LRRFIP1: variants seen among roughly 807,000 people sequenced by gnomAD.
LRRFIP1 encodes the protein LRR binding FLII interacting protein 1, also known as leucine-rich repeat flightless-interacting protein 1.
A neutral mutation model predicts 104.4 loss-of-function variants in LRRFIP1; 62 were observed. The ratio of observed to expected loss-of-function variants is 0.59; its 90% confidence interval spans 0.48 to 0.73. LRRFIP1 has a LOEUF of 0.73. LRRFIP1 is among the 30% of genes least tolerant of loss of function. LRRFIP1 has a pLI of 0.00. For missense variants in LRRFIP1, 796 were observed against 824.5 expected, an observed-to-expected ratio of 0.97 and a Z score of 0.42; for synonymous variants, 300 against 299.0, an observed-to-expected ratio of 1.00 and a Z score of -0.03.
At chr2:237,678,445 C>A (rs1411254763) in intron 1 of LRRFIP1, among the ~76,000 whole-genome samples, 2 of 152,078 alleles carry the variant, frequency 1.3e-5, no homozygotes, top group African/African-American at 4.8e-5. Flanking sequence ...ATGTCAGCTC[C>A]CACATCCCTT....
At chr2:237,683,193 C>T (rs1029284330) in intron 1 of LRRFIP1, among the ~76,000 whole-genome samples, 5 of 152,192 alleles carry the variant, frequency 3.3e-5, no homozygotes, top group African/African-American at 9.7e-5. Context: ...ATGCCACCAA[C>T]GGGGTGGAGA....
intron 1 of LRRFIP1, among the ~76,000 whole-genome samples, chr2:237,658,487 A>G (rs1559485187): frequency 6.6e-6 from 1 of 152,214 alleles, no homozygotes; most frequent in Non-Finnish European, 1.5e-5. Flanking sequence ...AATTTTTTCA[A>G]AAAGATTAGT....
chr2:237,775,370 G>A (rs1172220249), intron 23 of LRRFIP1, among the ~76,000 whole-genome samples: 2 of 152,226 alleles, frequency 1.3e-5, no homozygotes, highest in Non-Finnish European at 2.9e-5. Flanking sequence ...GAGCGGTGGA[G>A]GCCAAGTGAG....
intron 20 of LRRFIP1, 198 bp downstream of exon 20, chr2:237,770,190 G>A (rs1028211653): frequency 2.9e-5 from 16 of 561,048 alleles, no homozygotes; most frequent in Admixed American, 1.8e-4. Flanking sequence ...AACATCCTGA[G>A]TCATATGAGG....
At chr2:237,692,230 G>A in intron 1 of LRRFIP1, 1 of 1,106,650 alleles carries the variant, frequency 9.0e-7, no homozygotes, top group Non-Finnish European at 1.1e-6. Context: ...GCCCGACTCA[G>A]CCCGCGGCCA....
In LRRFIP1 at chr2:237,756,257, T is replaced by G. The variant is rs893781276; in HGVS notation, c.1131+70T>G. ...AGCATTTTGTCAGGCCATGACTATCTTAGCTTAGGCTGCAGTAATAAAATA... is the reference window on the plus strand; with the variant it reads ...AGCATTTTGTCAGGCCATGACTATCGTAGCTTAGGCTGCAGTAATAAAATA... On this transcript the variant is annotated intron_variant, in intron 16 of 23. Coordinates refer to ENST00000308482, the MANE Select transcript of LRRFIP1 (RefSeq NM_001137550.2). 1.5e-5 allele frequency: 17 copies of G among 1,151,742 alleles called. 1 individual carries two copies. Among genetic ancestry groups the G allele is most frequent in the Non-Finnish European group, 2.1e-5 (16 of 777,182 alleles). 71.3% of individuals were successfully genotyped at this position (1,151,742 alleles called of 1,614,324 possible).
intron 9 of LRRFIP1, among the ~76,000 whole-genome samples, chr2:237,734,549 G>A (rs1185881433): frequency 6.6e-6 from 1 of 152,128 alleles, no homozygotes; most frequent in African/African-American, 2.4e-5. Context: ...CAGAGTGCTA[G>A]GATTACAGGC....
intron 1 of LRRFIP1, among the ~76,000 whole-genome samples, chr2:237,695,670 A>G (rs1470200666): frequency 6.6e-6 from 1 of 152,192 alleles, no homozygotes; most frequent in East Asian, 1.9e-4. Context: ...AGTCCATTAC[A>G]TCTCACTACG....
At chr2:237,768,800 A>G (rs1382923451) in intron 19 of LRRFIP1, 1 of 152,226 alleles carries the variant, frequency 6.6e-6, no homozygotes, top group Non-Finnish European at 1.5e-5. Context: ...GAAAATGAAG[A>G]TGCATTTTAT....
chr2:237,763,495 G>A, intron 19 of LRRFIP1: 1 of 1,613,668 alleles, frequency 6.2e-7, no homozygotes, highest in Non-Finnish European at 8.5e-7. Flanking sequence ...TTAAAAAAGA[G>A]TTAACGTATC....
At chr2:237,752,873 A>G (rs781077385) in intron 14 of LRRFIP1, among the ~76,000 whole-genome samples, 1 of 152,174 alleles carries the variant, frequency 6.6e-6, no homozygotes, top group East Asian at 1.9e-4. Flanking sequence ...GGCCCTATGT[A>G]ATTATCTCAG....
At chr2:237,733,636 C>A in intron 8 of LRRFIP1, 138 bp from the exon 9 acceptor site, 1 of 725,820 alleles carries the variant, frequency 1.4e-6, no homozygotes, top group Non-Finnish European at 2.3e-6. Flanking sequence ...CACGGTGCCT[C>A]GATCGGTTTG....
chr2:237,651,060 G>T (rs2085861436), intron 1 of LRRFIP1, among the ~76,000 whole-genome samples: 1 of 152,166 alleles, frequency 6.6e-6, no homozygotes, highest in Non-Finnish European at 1.5e-5. Flanking sequence ...ATTAATTTAT[G>T]TAACATGTAT....
In LRRFIP1 at chr2:237,703,829, G is replaced by C. The variant is rs2093664633; in HGVS notation, c.97-4715G>C. On this transcript the variant is annotated intron_variant, in intron 1 of 23. Coordinates refer to ENST00000308482, the MANE Select transcript of LRRFIP1 (RefSeq NM_001137550.2). The surrounding 1 kb of genome is among the most constrained non-coding windows in gnomAD (Gnocchi z 4.3). ...GACAGCATGGCACGTTCACAGCACAGTGCATTCCTGTGGCCTCCCCGGGCC... is the reference window on the plus strand; with the variant it reads ...GACAGCATGGCACGTTCACAGCACACTGCATTCCTGTGGCCTCCCCGGGCC... 6.6e-6 allele frequency among the ~76,000 whole-genome samples: 1 copy of C among 152,146 alleles called. No individual in the cohort carries two copies. The highest frequency in any genetic ancestry group is 2.4e-5 in the African/African-American group (1 of 41,438).
intron 10 of LRRFIP1, among the ~76,000 whole-genome samples, chr2:237,736,790 G>C (rs971692326): frequency 4.6e-5 from 7 of 152,224 alleles, no homozygotes; most frequent in African/African-American, 1.4e-4. Flanking sequence ...CTGTGAGCAG[G>C]AAATTAGCAC....
intron 1 of LRRFIP1, among the ~76,000 whole-genome samples, chr2:237,633,260 G>A (rs534049874): frequency 1.2e-3 from 186 of 152,342 alleles, no homozygotes; most frequent in Non-Finnish European, 2.2e-3. Context: ...TGTTCCAGAC[G>A]GATTTTTACC....
intron 8 of LRRFIP1, among the ~76,000 whole-genome samples, chr2:237,732,681 C>T (rs766735984): frequency 4.9e-4 from 74 of 152,170 alleles, no homozygotes; most frequent in Admixed American, 2.9e-3. Flanking sequence ...AAACTCGAGT[C>T]CAAAAAATTG....
At chr2:237,728,286 A>T (rs2094848731) in intron 8 of LRRFIP1, among the ~76,000 whole-genome samples, 1 of 152,252 alleles carries the variant, frequency 6.6e-6, no homozygotes, top group Non-Finnish European at 1.5e-5. Flanking sequence ...GCTTTCAAAG[A>T]TACTAAATCC....
At chr2:237,690,988 T>C (rs10210278) in intron 1 of LRRFIP1, among the ~76,000 whole-genome samples, 17,014 of 150,914 alleles carry the variant, frequency 0.11, 2,992 homozygotes, top group African/African-American at 0.38. Flanking sequence ...AAGTCGTCCT[T>C]CGGCTCCTCA....
Sources: allele counts gnomAD v4.1 joint callset (sites outside exome capture counted in the v4.1 genomes callset), GRCh38; gene constraint gnomAD v4.1.1; non-coding constraint Gnocchi (gnomAD v3.1); transcripts MANE v1.5; gene names NCBI Gene and HGNC (gene_info 2026-07-23, HGNC 2026-07-21).